The following LRBA variants were observed in gnomAD, a reference collection of about 807,000 sequenced individuals.
LRBA encodes the protein LPS responsive beige-like anchor protein, also known as lipopolysaccharide-responsive and beige-like anchor protein.
In LRBA, 176 loss-of-function variants were observed where a neutral mutation model predicts 330.0. That is an observed-to-expected ratio of 0.53 (90% confidence interval 0.47 to 0.60). The LOEUF (loss-of-function observed/expected upper bound fraction) is 0.60, where lower values mean the gene tolerates loss of function less well. Ranked by LOEUF, LRBA falls within the 20% of genes least tolerant of loss-of-function variation. The pLI, the probability that LRBA is intolerant of heterozygous loss-of-function variation, is 0.00. For missense variants in LRBA, 3,259 were observed against 3,444.8 expected (o/e 0.95, Z 1.35); for synonymous variants, 1,230 against 1,193.0 (o/e 1.03, Z -0.64).
intron 37 of LRBA, among the ~76,000 whole-genome samples, chr4:150,661,072 ATAAAT>A (rs1188959352): frequency 1.1e-5 from 1 of 87,638 alleles, no homozygotes; most frequent in Non-Finnish European, 2.0e-5. Context: ...CAATAAAAAA[ATAAAT>A]TAAAAAAAAA....
At chr4:150,373,263 GA>G (rs1165663888) in intron 47 of LRBA, among the ~76,000 whole-genome samples, 6 of 144,020 alleles carry the variant, frequency 4.2e-5, no homozygotes, top group East Asian at 4.0e-4. Flanking sequence ...GAGACTATGA[GA>G]AAAAAAAAAG....
At chr4:150,274,550 A>C (rs1746515377) in intron 56 of LRBA, among the ~76,000 whole-genome samples, 1 of 152,210 alleles carries the variant, frequency 6.6e-6, no homozygotes, top group Non-Finnish European at 1.5e-5. Context: ...ACCACTAGCC[A>C]GATTAATACA....
At chr4:150,513,469 C>T (rs1165029625) in intron 40 of LRBA, among the ~76,000 whole-genome samples, 1 of 152,146 alleles carries the variant, frequency 6.6e-6, no homozygotes, top group Non-Finnish European at 1.5e-5. Flanking sequence ...AACACAGCAT[C>T]CACCTGGGTC....
chr4:150,370,639 T>C lies in LRBA; in HGVS notation c.7195-20480A>G, dbSNP rs184639267. ...ACCTACAGGAAGTCTAACATAAAAGTGAACCCTAATATAAACCAAAGACTT... is the reference window on the plus strand; with the variant it reads ...ACCTACAGGAAGTCTAACATAAAAGCGAACCCTAATATAAACCAAAGACTT... On this transcript the variant is annotated intron_variant, in intron 47 of 56. Coordinates refer to ENST00000651943, the MANE Select transcript of LRBA (RefSeq NM_001364905.1). 2.0e-5 allele frequency among the ~76,000 whole-genome samples: 3 copies of C among 152,326 alleles called. No homozygotes were observed. The East Asian group carries it at 5.8e-4, about 29-fold the overall frequency.
chr4:150,369,258 G>A (rs1226644707), intron 47 of LRBA, among the ~76,000 whole-genome samples: 1 of 151,934 alleles, frequency 6.6e-6, no homozygotes, highest in Non-Finnish European at 1.5e-5. Flanking sequence ...CTTCTCCATG[G>A]ACATCATGTT....
intron 36 of LRBA, among the ~76,000 whole-genome samples, chr4:150,691,252 C>A (rs1784113571): frequency 6.6e-6 from 1 of 151,626 alleles, no homozygotes; most frequent in South Asian, 2.1e-4. Context: ...TTTAAAAGAA[C>A]CATTTATAAA....
At position 150,900,115 on chromosome 4, in the gene LRBA, T is replaced by C; in HGVS notation, c.1858A>G (p.Thr620Ala). The C allele has an allele frequency of 6.2e-7, 1 of 1,613,166 alleles. No individual in the cohort carries two copies. ...ACTGCCCAGTAGTAGTACTTCAGCGTGTGCATGATGAGAAGCACTGTTCCA... is the reference window on the plus strand; with the variant it reads ...ACTGCCCAGTAGTAGTACTTCAGCGCGTGCATGATGAGAAGCACTGTTCCA... The part of the protein sequence containing the change: ...RVGTVLLIMH[T>A]LKYYYWAVNP... Residue 620 changes from threonine to alanine, a missense_variant, in exon 14 of 57, where the codon ACG becomes GCG. Transcript: ENST00000651943.
chr4:150,339,734 C>T (rs6852979), intron 48 of LRBA, among the ~76,000 whole-genome samples: 82,258 of 151,530 alleles, frequency 0.54, 23,356 homozygotes, highest in Non-Finnish European at 0.64. Flanking sequence ...CATGGTAATA[C>T]ATATAGATTT....
At chr4:150,866,971 G>A (rs1389177127) in intron 22 of LRBA, among the ~76,000 whole-genome samples, 1 of 151,832 alleles carries the variant, frequency 6.6e-6, no homozygotes, top group East Asian at 1.9e-4. Context: ...GTGGTGTTGG[G>A]GGTCAGGCGA....
chr4:150,874,740 C>G (rs573352615), intron 17 of LRBA, among the ~76,000 whole-genome samples: 1 of 152,288 alleles, frequency 6.6e-6, no homozygotes, highest in East Asian at 1.9e-4. Flanking sequence ...GATCATAGCA[C>G]TGGACCCTCT....
chr4:150,636,714 C>G (rs1777952002), intron 37 of LRBA, among the ~76,000 whole-genome samples: 1 of 152,218 alleles, frequency 6.6e-6, no homozygotes, highest in African/African-American at 2.4e-5. Context: ...GTGACACAAT[C>G]ACGATTCACT....
intron 36 of LRBA, among the ~76,000 whole-genome samples, chr4:150,687,302 T>A (rs759389700): frequency 6.6e-6 from 1 of 152,124 alleles, no homozygotes; most frequent in African/African-American, 2.4e-5. Context: ...TTATTTGTAG[T>A]ATACATATTT....
At chr4:150,517,480 C>T (rs1316882498) in intron 40 of LRBA, among the ~76,000 whole-genome samples, 3 of 152,190 alleles carry the variant, frequency 2.0e-5, no homozygotes, top group Non-Finnish European at 2.9e-5. Flanking sequence ...ATGATCATGC[C>T]ATCACACTCC....
intron 40 of LRBA, among the ~76,000 whole-genome samples, chr4:150,548,055 A>T (rs535911826): frequency 6.6e-6 from 1 of 152,320 alleles, no homozygotes; most frequent in African/African-American, 2.4e-5. Context: ...AGAAAAGCAA[A>T]AGAATATGCT....
At chr4:150,520,256 C>T (rs1345422812) in intron 40 of LRBA, among the ~76,000 whole-genome samples, 5 of 152,072 alleles carry the variant, frequency 3.3e-5, no homozygotes, top group Non-Finnish European at 4.4e-5. Flanking sequence ...TTGTCAATTT[C>T]TTGAAATGAC....
In LRBA at chr4:150,272,931, CA is replaced by C. The variant is rs377757765; in HGVS notation, c.8468+4921del. ...ACGTCCCCAACCTAGCAAGACAGAC[CA>C]ACATTCAAATTCAGGAAATACAGAG... On this transcript the variant is annotated intron_variant, in intron 56 of 56. Coordinates refer to ENST00000651943, the MANE Select transcript of LRBA (RefSeq NM_001364905.1). Among the ~76,000 whole-genome samples, 42 of 152,096 alleles carry C rather than the reference CA, an allele frequency of 2.8e-4. No individual in the cohort carries two copies. In the East Asian group the frequency reaches 6.2e-3, roughly 23 times the overall value.
chr4:150,949,364 A>T (rs1249524582), intron 2 of LRBA, among the ~76,000 whole-genome samples: 3 of 152,098 alleles, frequency 2.0e-5, no homozygotes, highest in Non-Finnish European at 4.4e-5. Flanking sequence ...AGATTCTTCA[A>T]CTGACAAAAA....
intron 46 of LRBA, among the ~76,000 whole-genome samples, chr4:150,417,539 C>A (rs1747956071): frequency 6.6e-6 from 1 of 151,984 alleles, no homozygotes; most frequent in Non-Finnish European, 1.5e-5. Flanking sequence ...TCAGTAATAC[C>A]CGCTGCCCAC....
Position 150,603,083 on chromosome 4 carries a change from A to T in LRBA, c.5922-3952T>A, listed in dbSNP as rs1447741064. ...GATCCTCAAAATCTTCAAAGTAAAG[A>T]GGTTAGCCTAAGTTTTAGATCTGGA... On this transcript the variant is annotated intron_variant, in intron 37 of 56. Coordinates refer to ENST00000651943, the MANE Select transcript of LRBA (RefSeq NM_001364905.1). 1.3e-5 allele frequency among the ~76,000 whole-genome samples: 2 copies of T among 152,198 alleles called. 1 individual carries two copies. The highest frequency in any genetic ancestry group is 1.3e-4 in the Admixed American group (2 of 15,284).
Sources: allele counts gnomAD v4.1 joint callset (sites outside exome capture counted in the v4.1 genomes callset), GRCh38; gene constraint gnomAD v4.1.1; transcripts MANE v1.5; gene names NCBI Gene and HGNC (gene_info 2026-07-23, HGNC 2026-07-21).